SPOCK3: variants seen among roughly 807,000 people sequenced by gnomAD.
The protein encoded by SPOCK3 is SPARC (osteonectin), cwcv and kazal like domains proteoglycan 3, also known as testican-3.
Under a neutral mutation model 56.6 loss-of-function variants are expected in SPOCK3, and 30 were observed. The ratio of observed to expected loss-of-function variants is 0.53; its 90% CI spans 0.40 to 0.72. The LOEUF (loss-of-function observed/expected upper bound fraction) is 0.72, where lower values mean the gene tolerates loss of function less well. Among genes scored for constraint, SPOCK3 ranks in the 30% least tolerant of loss-of-function variants. SPOCK3 has a pLI of 0.00. For missense variants in SPOCK3, 527 were observed against 530.0 expected (o/e 0.99, Z 0.06); for synonymous variants, 196 against 183.3 (o/e 1.07, Z -0.56).
intron 5 of SPOCK3, among the ~76,000 whole-genome samples, chr4:166,908,575 A>T (rs1203567548): frequency 6.6e-6 from 1 of 151,560 alleles, no homozygotes; most frequent in East Asian, 1.9e-4. Context: ...TTTATGAACA[A>T]TACTAATTTC....
At chr4:167,087,604 CAG>C (rs1481256569) in intron 2 of SPOCK3, among the ~76,000 whole-genome samples, 1 of 152,102 alleles carries the variant, frequency 6.6e-6, no homozygotes, top group Non-Finnish European at 1.5e-5. Context: ...AGGAATCGTT[CAG>C]AGTCATTTAG....
At chr4:167,039,649 C>T (rs142025270) in intron 3 of SPOCK3, among the ~76,000 whole-genome samples, 16 of 140,028 alleles carry the variant, frequency 1.1e-4, no homozygotes, top group African/African-American at 3.8e-4. Flanking sequence ...GAAATGTATG[C>T]ATTGGCTCCT....
At chr4:166,911,011 T>G (rs2127092817) in intron 5 of SPOCK3, among the ~76,000 whole-genome samples, 1 of 152,280 alleles carries the variant, frequency 6.6e-6, no homozygotes, top group Middle Eastern at 3.4e-3. Context: ...ATGTGGAATT[T>G]TATAATATGA....
At chr4:166,917,103 G>T (rs1162703199) in intron 4 of SPOCK3, among the ~76,000 whole-genome samples, 2 of 152,116 alleles carry the variant, frequency 1.3e-5, no homozygotes, top group African/African-American at 4.8e-5. Context: ...ATGTGGCGTG[G>T]TTGTGTTAAA....
intron 4 of SPOCK3, among the ~76,000 whole-genome samples, chr4:166,999,913 C>T (rs1748777513): frequency 6.6e-6 from 1 of 152,106 alleles, no homozygotes; most frequent in Non-Finnish European, 1.5e-5. Flanking sequence ...GGGTTCAAGT[C>T]CCAAGTCCCT....
chr4:167,063,588 T>C (rs1005890025), intron 2 of SPOCK3, among the ~76,000 whole-genome samples: 1 of 151,932 alleles, frequency 6.6e-6, no homozygotes, highest in African/African-American at 2.4e-5. Flanking sequence ...GAATATCACA[T>C]AGTGGTGAAG....
intron 5 of SPOCK3, among the ~76,000 whole-genome samples, chr4:166,904,117 T>A (rs1345328083): frequency 6.6e-6 from 1 of 151,790 alleles, no homozygotes; most frequent in Admixed American, 6.6e-5. Flanking sequence ...TTTTATATAA[T>A]CTATATTTTT....
In SPOCK3 at chr4:167,091,531, CTG is replaced by C. The variant is rs1758701269; in HGVS notation, c.190-28996_190-28995del. On this transcript the variant is annotated intron_variant, in intron 2 of 10. Coordinates refer to ENST00000357545, the MANE Select transcript of SPOCK3 (RefSeq NM_001040159.2). ...ATATATTGATATTTAAATGTTAATACTGTATCTCTTCATATATAATTTAAAAT... is the reference window on the plus strand; with the variant it reads ...ATATATTGATATTTAAATGTTAATACTATCTCTTCATATATAATTTAAAAT... Among the ~76,000 whole-genome samples the C allele has an allele frequency of 1.3e-5, 2 of 152,076 alleles. 1 individual carries two copies. The highest frequency in any genetic ancestry group is 4.1e-4 in the South Asian group (2 of 4,828).
Position 167,088,877 on chromosome 4 carries a change from C to T in SPOCK3, c.190-26340G>A, listed in dbSNP as rs1440413788. Reference sequence around the variant, plus strand: ...AATCCTACCTTGTAATTGTACTAAACAAGTTGTAAATACTTGGTTTATTTT... The same window carrying T: ...AATCCTACCTTGTAATTGTACTAAATAAGTTGTAAATACTTGGTTTATTTT... On this transcript the variant is annotated intron_variant, in intron 2 of 10. Transcript: ENST00000357545. Among the ~76,000 whole-genome samples, 3 of 152,162 alleles carry T rather than the reference C, an allele frequency of 2.0e-5. 1 individual carries two copies. The highest frequency in any genetic ancestry group is 4.4e-5 in the Non-Finnish European group (3 of 68,036).
intron 3 of SPOCK3, among the ~76,000 whole-genome samples, chr4:167,000,890 CA>C (rs1265339119): frequency 6.6e-6 from 1 of 152,038 alleles, no homozygotes; most frequent in Non-Finnish European, 1.5e-5. Context: ...AATGAACAAA[CA>C]AAAATGTCAG....
At chr4:166,855,597 A>T (rs1419479626) in intron 6 of SPOCK3, among the ~76,000 whole-genome samples, 5 of 151,352 alleles carry the variant, frequency 3.3e-5, no homozygotes, top group African/African-American at 9.7e-5. Flanking sequence ...GGAAAAAAGA[A>T]AAAAAACAAA....
chr4:167,046,957 C>T (rs552972010), intron 3 of SPOCK3, among the ~76,000 whole-genome samples: 1 of 152,074 alleles, frequency 6.6e-6, no homozygotes, highest in East Asian at 1.9e-4. Context: ...AAATTTGACT[C>T]TAGTGAAGAG....
intron 4 of SPOCK3, among the ~76,000 whole-genome samples, chr4:166,967,347 G>C (rs1332555690): frequency 6.6e-6 from 1 of 152,104 alleles, no homozygotes; most frequent in East Asian, 1.9e-4. Context: ...GTTTTTGAAG[G>C]GAAGGTGATA....
At chr4:166,908,413 T>C (rs1305044707) in intron 5 of SPOCK3, among the ~76,000 whole-genome samples, 1 of 150,810 alleles carries the variant, frequency 6.6e-6, no homozygotes. Flanking sequence ...GTTTTAAAAA[T>C]TCAAATTCAT....
chr4:166,755,579 GTTGT>G lies in SPOCK3; in HGVS notation c.710-854_710-851del, dbSNP rs142950784. Among the ~76,000 whole-genome samples the G allele has an allele frequency of 4.6e-3, 701 of 152,156 alleles. 7 individuals are homozygous for G. Among genetic ancestry groups the G allele is most frequent in the African/African-American group, 0.016 (662 of 41,518 alleles). ...TCATATGTATGTTGCTTATCTAGTT[GTTGT>G]TTAATTTTCTCTTTTCTACTCATTA... On this transcript the variant is annotated intron_variant, in intron 7 of 10. Transcript: ENST00000357545.
intron 2 of SPOCK3, among the ~76,000 whole-genome samples, chr4:167,220,411 C>G (rs1044272211): frequency 1.4e-5 from 2 of 140,124 alleles, no homozygotes; most frequent in Non-Finnish European, 3.1e-5. Context: ...CAGGATCTCA[C>G]TGTGCCATCC....
intron 4 of SPOCK3, among the ~76,000 whole-genome samples, chr4:166,924,323 C>G (rs1362277719): frequency 6.6e-6 from 1 of 152,050 alleles, no homozygotes; most frequent in East Asian, 1.9e-4. Flanking sequence ...ATTTAGGAAG[C>G]AAGCATTCAG....
At chr4:167,019,755 ACATTT>A (rs1257695488) in intron 3 of SPOCK3, among the ~76,000 whole-genome samples, 2 of 152,196 alleles carry the variant, frequency 1.3e-5, no homozygotes, top group African/African-American at 4.8e-5. Flanking sequence ...CTTCTCCTGA[ACATTT>A]CATTTTCCGA....
At chr4:166,833,407 C>A (rs1412802475) in intron 6 of SPOCK3, among the ~76,000 whole-genome samples, 1 of 152,184 alleles carries the variant, frequency 6.6e-6, no homozygotes, top group South Asian at 2.1e-4. Context: ...TTGATTTTCT[C>A]AATTTTTGTA....
Sources: allele counts gnomAD v4.1 joint callset (sites outside exome capture counted in the v4.1 genomes callset), GRCh38; gene constraint gnomAD v4.1.1; transcripts MANE v1.5; gene names NCBI Gene and HGNC (gene_info 2026-07-23, HGNC 2026-07-21).